FANCB: variants seen among roughly 807,000 people sequenced by gnomAD.
FANCB encodes the protein FA complementation group B.
FANCB carries 5 observed loss-of-function variants against 38.9 expected under a neutral mutation model. That is an observed-to-expected ratio of 0.13 (90% CI 0.07 to 0.27). The LOEUF (loss-of-function observed/expected upper bound fraction) is 0.27. Among genes scored for constraint, FANCB ranks in the 10% least tolerant of loss-of-function variants. The probability of loss-of-function intolerance (pLI) is 1.00; values close to 1 mark genes in which losing one functional copy is unlikely to be tolerated. For missense variants in FANCB, 573 were observed against 602.7 expected, an observed-to-expected ratio of 0.95 and a Z score of 0.52; for synonymous variants, 236 against 215.4, an observed-to-expected ratio of 1.10 and a Z score of -0.84.
the FANCB span, among the ~76,000 whole-genome samples, chrX:14,770,748 G>T: frequency 8.9e-6 from 1 of 112,304 alleles, no homozygotes; most frequent in African/African-American, 3.2e-5. Flanking sequence ...GTGTACTTCA[G>T]TGTGTTTTTG....
the FANCB span, among the ~76,000 whole-genome samples, chrX:14,729,193 T>C: frequency 8.9e-6 from 1 of 112,243 alleles, no homozygotes; most frequent in Non-Finnish European, 1.9e-5. Flanking sequence ...TTGGGAAACA[T>C]AACCATTATT....
rs1268162025 is a variant in FANCB at position 14,836,851 on chromosome X, G to C, written c.*1567-596C>G. Among the ~76,000 whole-genome samples the C allele has an allele frequency of 8.9e-5, 10 of 112,010 alleles. No homozygotes were observed. In the Admixed American group the frequency reaches 9.5e-4, roughly 11 times the overall value. ...TCAGAGGATATCCCTACTGGGTATA[G>C]TGCCCTATAAGGGTGTTCCCATGGA... On this transcript the variant is annotated intron_variant and NMD_transcript_variant, in intron 10 of 10. Coordinates refer to the FANCB transcript ENST00000643728.
chrX:14,782,286 T>C, the FANCB span, among the ~76,000 whole-genome samples: 38 of 112,047 alleles, frequency 3.4e-4, no homozygotes, highest in African/African-American at 1.1e-3. Flanking sequence ...CAGTGGGAGC[T>C]AGCACAAAAA....
At chrX:14,830,826 T>C in the FANCB span, among the ~76,000 whole-genome samples, 1 of 112,440 alleles carries the variant, frequency 8.9e-6, no homozygotes, top group Non-Finnish European at 1.9e-5. Flanking sequence ...ACTAGTGTGT[T>C]GCACAATGAG....
At chrX:14,822,984 T>C in the FANCB span, among the ~76,000 whole-genome samples, 2 of 111,038 alleles carry the variant, frequency 1.8e-5, no homozygotes, top group East Asian at 2.8e-4. Context: ...TTCAGACATA[T>C]AGCCTGAAAA....
chrX:14,729,512 T>G, the FANCB span, among the ~76,000 whole-genome samples: 176 of 111,829 alleles, frequency 1.6e-3, 1 homozygote, highest in African/African-American at 5.5e-3. Context: ...CAAATATCAC[T>G]GACATCAGCT....
chrX:14,812,084 A>T, the FANCB span, among the ~76,000 whole-genome samples: 8 of 110,978 alleles, frequency 7.2e-5, no homozygotes, highest in Admixed American at 6.7e-4. Context: ...TAACAAAATG[A>T]AGGCAGAAAT....
chrX:14,701,689 ATTC>A, the FANCB span, among the ~76,000 whole-genome samples: 1 of 112,941 alleles, frequency 8.9e-6, no homozygotes, highest in African/African-American at 3.2e-5. Flanking sequence ...CCACTTATTT[ATTC>A]TTTATTTGCA....
chrX:14,801,044 A>T, the FANCB span, among the ~76,000 whole-genome samples: 1 of 86,304 alleles, frequency 1.2e-5, no homozygotes, highest in Middle Eastern at 5.3e-3. Context: ...TTACCGAAGC[A>T]GAAGCAGAAG....
the FANCB span, among the ~76,000 whole-genome samples, chrX:14,819,686 C>G: frequency 8.9e-6 from 1 of 112,303 alleles, no homozygotes; most frequent in East Asian, 2.8e-4. Context: ...CTGTGAAGAT[C>G]TGTTTCAAGG....
the FANCB span, among the ~76,000 whole-genome samples, chrX:14,740,630 C>T: frequency 8.9e-6 from 1 of 112,126 alleles, no homozygotes; most frequent in South Asian, 3.7e-4. Flanking sequence ...TGAAAGCAGC[C>T]ACAGACATTA....
the FANCB span, among the ~76,000 whole-genome samples, chrX:14,740,487 G>A: frequency 1.4e-4 from 16 of 111,492 alleles, no homozygotes; most frequent in South Asian, 2.7e-3. Flanking sequence ...TAGCCAATTC[G>A]TCTACCTGGC....
the FANCB span, among the ~76,000 whole-genome samples, chrX:14,728,361 C>A: frequency 9.0e-6 from 1 of 111,157 alleles, no homozygotes; most frequent in East Asian, 2.8e-4. Flanking sequence ...CCAGTTCACC[C>A]CAGCCTGGGC....
At chrX:14,829,883 C>T in the FANCB span, among the ~76,000 whole-genome samples, 110 of 112,458 alleles carry the variant, frequency 9.8e-4, no homozygotes, top group African/African-American at 3.2e-3. Flanking sequence ...ATTTCAAGAA[C>T]GTTTCCCTTG....
the FANCB span, among the ~76,000 whole-genome samples, chrX:14,735,283 A>G: frequency 9.1e-6 from 1 of 110,270 alleles, no homozygotes; most frequent in Non-Finnish European, 1.9e-5. Flanking sequence ...GCTGGCAAGG[A>G]GTTGTGATCC....
At chrX:14,861,734 A>C (rs2092447583) in intron 3 of FANCB, among the ~76,000 whole-genome samples, 1 of 112,478 alleles carries the variant, frequency 8.9e-6, no homozygotes, top group Non-Finnish European at 1.9e-5. Flanking sequence ...TTAACTGTTA[A>C]AACTAAAGGT....
intron 2 of FANCB, among the ~76,000 whole-genome samples, chrX:14,867,949 CA>C (rs1240246220): frequency 2.7e-5 from 3 of 110,138 alleles, no homozygotes; most frequent in African/African-American, 6.6e-5. Flanking sequence ...GGTACACACA[CA>C]AAAAAAATGC....
chrX:14,732,240 T>C, the FANCB span, among the ~76,000 whole-genome samples: 1 of 112,284 alleles, frequency 8.9e-6, no homozygotes, highest in Non-Finnish European at 1.9e-5. Flanking sequence ...CTGCATAGTA[T>C]TCCATGGTGT....
downstream of FANCB, among the ~76,000 whole-genome samples, chrX:14,832,087 A>C (rs2092328855): frequency 9.0e-6 from 1 of 111,616 alleles, no homozygotes; most frequent in African/African-American, 3.3e-5. Context: ...TGAATGTTGT[A>C]CTAGTTTCCT....
Sources: allele counts gnomAD v4.1 joint callset (sites outside exome capture counted in the v4.1 genomes callset), GRCh38; gene constraint gnomAD v4.1.1; transcripts MANE v1.5; gene names NCBI Gene and HGNC (gene_info 2026-07-23, HGNC 2026-07-21).